ADAMTS7: variants seen among roughly 807,000 people sequenced by gnomAD.
ADAMTS7 encodes A disintegrin and metalloproteinase with thrombospondin motifs 7.
ADAMTS7 carries 89 observed loss-of-function variants against 172.6 expected under a neutral mutation model. The ratio of observed to expected loss-of-function variants is 0.52; its 90% CI spans 0.43 to 0.61. The LOEUF is 0.61. ADAMTS7 is among the 20% of genes least tolerant of loss of function. The pLI, the probability that ADAMTS7 is intolerant of heterozygous loss-of-function variation, is 0.00. For missense variants in ADAMTS7, 1,973 were observed against 2,355.6 expected, an observed-to-expected ratio of 0.84 and a Z score of 3.36; for synonymous variants, 885 against 978.4, an observed-to-expected ratio of 0.90 and a Z score of 1.78.
rs2055178219 is a variant in ADAMTS7 at position 78,767,612 on chromosome 15, G to A, written c.2646-20C>T. 5 of 1,524,598 alleles carry A rather than the reference G, an allele frequency of 3.3e-6. No homozygotes were observed. The South Asian group carries it at 6.2e-5, about 19-fold the overall frequency. 94.4% of individuals were successfully genotyped at this position (1,524,598 alleles called of 1,614,324 possible). ...CACCACCTGGCGAGGGCACACAGGT[G>A]GCATCAGTGTGGCATCAGACAGGTG... is the stretch of plus-strand genomic sequence containing the variant. On this transcript the variant is annotated intron_variant, in intron 17 of 23. Coordinates refer to ENST00000388820, the MANE Select transcript of ADAMTS7 (RefSeq NM_014272.5).
chr15:78,797,368 C>G (rs938456245), intron 3 of ADAMTS7, among the ~76,000 whole-genome samples: 4 of 152,250 alleles, frequency 2.6e-5, no homozygotes, highest in Non-Finnish European at 4.4e-5. Context: ...AAATGCAGTA[C>G]CAGAGCTGTG....
At chr15:78,774,052 C>T (rs1246510098) in intron 13 of ADAMTS7, 115 bp downstream of exon 13, 2 of 1,501,020 alleles carry the variant, frequency 1.3e-6, no homozygotes, top group East Asian at 2.5e-5. Flanking sequence ...AGGAGAGAAC[C>T]TGGGGCCCGC....
At chr15:78,809,494 A>C (rs901437082) in intron 1 of ADAMTS7, among the ~76,000 whole-genome samples, 2 of 152,200 alleles carry the variant, frequency 1.3e-5, no homozygotes, top group African/African-American at 4.8e-5. Context: ...CTCAAACAGC[A>C]GGTCCAGGTC....
At chr15:78,806,181 A>T (rs1478019836) in intron 1 of ADAMTS7, among the ~76,000 whole-genome samples, 2 of 146,276 alleles carry the variant, frequency 1.4e-5, no homozygotes, top group Non-Finnish European at 3.0e-5. Flanking sequence ...AGTAGACCCA[A>T]GACCCCCACT....
chr15:78,772,309 G>A (rs531480709), intron 14 of ADAMTS7, among the ~76,000 whole-genome samples: 4 of 152,314 alleles, frequency 2.6e-5, no homozygotes, highest in Admixed American at 2.0e-4. Context: ...TTACAGATGA[G>A]CAAAGTGAGG....
intron 8 of ADAMTS7, among the ~76,000 whole-genome samples, chr15:78,783,521 G>A (rs1394502831): frequency 8.6e-5 from 13 of 151,808 alleles, no homozygotes; most frequent in Non-Finnish European, 1.3e-4. Context: ...CAAGAGATCC[G>A]CCTGCCTTAG....
At chr15:78,790,599 C>G in intron 6 of ADAMTS7, 71 bp downstream of exon 6, 1 of 1,586,868 alleles carries the variant, frequency 6.3e-7, no homozygotes, top group Non-Finnish European at 8.6e-7. Context: ...CCTCCTCCAC[C>G]AGGGCTTCTT....
chr15:78,764,846 A>T, intron 19 of ADAMTS7, 139 bp from the exon 20 acceptor site: 1 of 919,788 alleles, frequency 1.1e-6, no homozygotes, highest in Non-Finnish European at 1.5e-6. Flanking sequence ...TTATTTGCAA[A>T]ATAGGCTCCT....
chr15:78,789,282 T>G (rs1391557696), intron 7 of ADAMTS7, among the ~76,000 whole-genome samples: 2 of 152,140 alleles, frequency 1.3e-5, no homozygotes, highest in Non-Finnish European at 2.9e-5. Flanking sequence ...CCCCTCAATC[T>G]ATGGGAAGCA....
At chr15:78,810,978 T>C (rs2055858600) in intron 1 of ADAMTS7, 143 bp downstream of exon 1, 2 of 922,614 alleles carry the variant, frequency 2.2e-6, no homozygotes, top group African/African-American at 1.7e-5. Context: ...TGTCCCCTAA[T>C]ACCCAGGGAG....
rs1278914623 is a variant in ADAMTS7 at position 78,807,563 on chromosome 15, T to A, written c.100+3558A>T. 2.0e-5 allele frequency among the ~76,000 whole-genome samples: 3 copies of A among 152,224 alleles called. No individual in the cohort carries two copies. The East Asian group carries it at 5.8e-4, about 29-fold the overall frequency. On this transcript the variant is annotated intron_variant, in intron 1 of 23. Coordinates refer to ENST00000388820, the MANE Select transcript of ADAMTS7 (RefSeq NM_014272.5). ...TTGAATCCCAGCTCTGCTACCCATA[T>A]CTGTGAGACCATGGGTAAATTACTC...
At chr15:78,789,401 G>A (rs2055548697) in intron 7 of ADAMTS7, among the ~76,000 whole-genome samples, 1 of 152,252 alleles carries the variant, frequency 6.6e-6, no homozygotes, top group South Asian at 2.1e-4. Flanking sequence ...GGGAGGGACA[G>A]CCAAAGACCT....
At chr15:78,789,912 G>A (rs1401179742) in intron 6 of ADAMTS7, 74 bp from the exon 7 acceptor site, 1 of 1,507,812 alleles carries the variant, frequency 6.6e-7, no homozygotes, top group Non-Finnish European at 8.9e-7. Context: ...GGCCAGGGAA[G>A]GGTCCCCCCG....
intron 10 of ADAMTS7, 39 bp from the exon 11 acceptor site, chr15:78,776,372 A>C (rs776278187): frequency 1.3e-6 from 2 of 1,593,932 alleles, no homozygotes; most frequent in Admixed American, 3.4e-5. Context: ...CCCACCCCCA[A>C]GTCTATCAGT....
intron 14 of ADAMTS7, among the ~76,000 whole-genome samples, chr15:78,772,708 T>A (rs572405095): frequency 1.3e-5 from 2 of 152,384 alleles, no homozygotes; most frequent in South Asian, 4.1e-4. Context: ...TTCACCTGCA[T>A]GTCCCCATCA....
chr15:78,802,084 A>G (rs1305365954), intron 1 of ADAMTS7, among the ~76,000 whole-genome samples: 1 of 151,726 alleles, frequency 6.6e-6, no homozygotes, highest in African/African-American at 2.4e-5. Flanking sequence ...CGATCCTCCC[A>G]CCTCAGCCTC....
At chr15:78,788,962 T>C (rs2055542817) in intron 7 of ADAMTS7, among the ~76,000 whole-genome samples, 1 of 152,230 alleles carries the variant, frequency 6.6e-6, no homozygotes, top group East Asian at 1.9e-4. Flanking sequence ...TCTAAGGAAC[T>C]AGCTAGGGTA....
intron 9 of ADAMTS7, 117 bp downstream of exon 9, chr15:78,777,327 C>A (rs775246583): frequency 7.2e-7 from 1 of 1,381,178 alleles, no homozygotes; most frequent in Non-Finnish European, 9.7e-7. Flanking sequence ...CACTCAGGGG[C>A]GCAGCCCAGG....
intron 23 of ADAMTS7, among the ~76,000 whole-genome samples, chr15:78,761,389 C>T (rs141703296): frequency 1.1e-4 from 16 of 152,352 alleles, no homozygotes; most frequent in East Asian, 1.9e-4. Context: ...CTTCACGCCA[C>T]GGCTTCTGGA....
Sources: allele counts gnomAD v4.1 joint callset (sites outside exome capture counted in the v4.1 genomes callset), GRCh38; gene constraint gnomAD v4.1.1; transcripts MANE v1.5; gene names NCBI Gene and HGNC (gene_info 2026-07-23, HGNC 2026-07-21).